PLCB1: variants seen among roughly 807,000 people sequenced by gnomAD.
PLCB1 encodes phospholipase C beta 1.
A neutral mutation model predicts 161.8 loss-of-function variants in PLCB1; 46 were observed. The ratio of observed to expected loss-of-function variants is 0.28; its 90% CI spans 0.22 to 0.36. PLCB1 has a LOEUF of 0.36. Ranked by LOEUF, PLCB1 falls within the 10% of genes least tolerant of loss-of-function variation. The pLI is 1.00. For missense variants in PLCB1, 1,016 were observed against 1,472.5 expected (o/e 0.69, Z 5.07); for synonymous variants, 517 against 503.7 (o/e 1.03, Z -0.35).
intron 13 of PLCB1, 52 bp from the exon 14 acceptor site, chr20:8,717,619 A>G: frequency 7.0e-7 from 1 of 1,426,766 alleles, no homozygotes; most frequent in Non-Finnish European, 9.6e-7. Flanking sequence ...TGGGGAGGGG[A>G]TCTGAAAGAG....
At chr20:8,881,358 T>TGTGTGTGTGTGCGC (rs369188885) in intron 31 of PLCB1, among the ~76,000 whole-genome samples, 19 of 150,618 alleles carry the variant, frequency 1.3e-4, no homozygotes, top group South Asian at 2.1e-4. Flanking sequence ...TGTGTGTGTG[T>TGTGTGTGTGTGCGC]GCATTTGTAG....
Position 8,132,288 on chromosome 20 carries a change from T to G in PLCB1, c.-364T>G. 5.9e-6 allele frequency: 1 copy of G among 169,128 alleles called. No homozygotes were observed. Among genetic ancestry groups the G allele is most frequent in the Non-Finnish European group, 1.3e-5 (1 of 79,470 alleles). The allele number at this position is 169,128 out of a possible 1,614,324, so 10.5% of individuals were successfully genotyped here. A position where few individuals can be genotyped will look rare whatever the true frequency, so the allele number is the denominator to read the frequency against. ...GTCACTCGCTCTCTCCCTCTGTGTA[T>G]AGAGGATGTGCTGAATGGTGCGCTT... On this transcript the variant is annotated 5_prime_UTR_variant, in exon 1 of 32. Transcript: ENST00000338037. The surrounding 1 kb of genome is among the most constrained non-coding windows in gnomAD (Gnocchi z 5.2).
intron 31 of PLCB1, 130 bp downstream of exon 31, chr20:8,790,391 A>T (rs1983696599): frequency 1.6e-6 from 1 of 618,806 alleles, no homozygotes; most frequent in Non-Finnish European, 2.8e-6. Flanking sequence ...AAACTCATGT[A>T]TCTTTCTCAA....
chr20:8,486,898 T>C (rs1982754308), intron 3 of PLCB1, among the ~76,000 whole-genome samples: 1 of 152,230 alleles, frequency 6.6e-6, no homozygotes. Context: ...CTAAACACTT[T>C]TGTGTTTCTG....
At chr20:8,852,201 A>T (rs1986912777) in intron 31 of PLCB1, among the ~76,000 whole-genome samples, 1 of 152,168 alleles carries the variant, frequency 6.6e-6, no homozygotes, top group Non-Finnish European at 1.5e-5. Context: ...TCTAAATTGT[A>T]CCTACTGACA....
chr20:8,714,869 A>G (rs1305766287), intron 12 of PLCB1, among the ~76,000 whole-genome samples: 1 of 152,180 alleles, frequency 6.6e-6, no homozygotes, highest in East Asian at 1.9e-4. Context: ...GAAAAAAATG[A>G]ATACAAAATA....
At chr20:8,616,368 T>G (rs1194635907) in intron 3 of PLCB1, among the ~76,000 whole-genome samples, 1 of 152,190 alleles carries the variant, frequency 6.6e-6, no homozygotes, top group African/African-American at 2.4e-5. Flanking sequence ...CTGAAGTGCT[T>G]CTTACTAAAC....
Position 8,576,837 on chromosome 20 carries a change from A to G in PLCB1, c.247-51457A>G, listed in dbSNP as rs151065610. ...TTTTTAAGTTGTAGCCATCAATTTAATGATTAACTACACAATAATTCATAC... is the reference window on the plus strand; with the variant it reads ...TTTTTAAGTTGTAGCCATCAATTTAGTGATTAACTACACAATAATTCATAC... On this transcript the variant is annotated intron_variant, in intron 3 of 31. Coordinates refer to ENST00000338037, the MANE Select transcript of PLCB1 (RefSeq NM_015192.4). 2.1e-3 allele frequency among the ~76,000 whole-genome samples: 323 copies of G among 152,360 alleles called. 1 individual carries two copies. The highest frequency in any genetic ancestry group is 0.02 in the Middle Eastern group (6 of 294).
At chr20:8,506,923 G>T (rs1168219871) in intron 3 of PLCB1, among the ~76,000 whole-genome samples, 1 of 152,110 alleles carries the variant, frequency 6.6e-6, no homozygotes, top group Admixed American at 6.6e-5. Context: ...AAATAGAGGT[G>T]AGGAGAGCTG....
At chr20:8,283,577 A>C (rs1317560204) in intron 2 of PLCB1, among the ~76,000 whole-genome samples, 1 of 151,576 alleles carries the variant, frequency 6.6e-6, no homozygotes, top group African/African-American at 2.4e-5. Flanking sequence ...CAATCAATAA[A>C]TAAAATAAAA....
At chr20:8,407,008 T>G (rs1978814344) in intron 3 of PLCB1, among the ~76,000 whole-genome samples, 2 of 152,158 alleles carry the variant, frequency 1.3e-5, no homozygotes. Context: ...AAGAAGATTG[T>G]TTTAACTTTC....
intron 31 of PLCB1, among the ~76,000 whole-genome samples, chr20:8,804,297 C>T (rs1262234191): frequency 6.6e-6 from 1 of 152,142 alleles, no homozygotes; most frequent in Non-Finnish European, 1.5e-5. Flanking sequence ...GTGTTCACAA[C>T]TTGTATTCCC....
At chr20:8,448,210 A>C (rs1344748433) in intron 3 of PLCB1, among the ~76,000 whole-genome samples, 1 of 152,220 alleles carries the variant, frequency 6.6e-6, no homozygotes, top group Admixed American at 6.5e-5. Flanking sequence ...AAATGTGTTG[A>C]GCAGGAAAAG....
chr20:8,335,518 T>A (rs1435141562), intron 2 of PLCB1, among the ~76,000 whole-genome samples: 1 of 152,226 alleles, frequency 6.6e-6, no homozygotes, highest in Admixed American at 6.5e-5. Flanking sequence ...TTTAGGAACT[T>A]GATTCATGTT....
chr20:8,352,072 A>C (rs1025661386), intron 2 of PLCB1, among the ~76,000 whole-genome samples: 1 of 152,118 alleles, frequency 6.6e-6, no homozygotes, highest in African/African-American at 2.4e-5. Context: ...TTAATAACCC[A>C]AAACTGGAAG....
intron 26 of PLCB1, among the ~76,000 whole-genome samples, chr20:8,767,056 C>T (rs1982355611): frequency 6.6e-6 from 1 of 152,152 alleles, no homozygotes; most frequent in South Asian, 2.1e-4. Flanking sequence ...TATGTCTCTG[C>T]AATTCCCAGG....
intron 3 of PLCB1, among the ~76,000 whole-genome samples, chr20:8,374,467 T>C (rs1987008825): frequency 6.6e-6 from 1 of 152,142 alleles, no homozygotes; most frequent in South Asian, 2.1e-4. Context: ...CATCTTCAGG[T>C]TCCCCTTGGA....
At chr20:8,173,490 C>G (rs6055591) in intron 2 of PLCB1, among the ~76,000 whole-genome samples, 29 of 152,174 alleles carry the variant, frequency 1.9e-4, no homozygotes, top group African/African-American at 6.3e-4. Flanking sequence ...AAAAGTAGAC[C>G]AGAACTCATG....
intron 3 of PLCB1, among the ~76,000 whole-genome samples, chr20:8,488,807 A>G (rs982124682): frequency 6.6e-6 from 1 of 152,252 alleles, no homozygotes; most frequent in African/African-American, 2.4e-5. Flanking sequence ...GCTATTAAAC[A>G]TAGTAAGACT....
Sources: gnomAD v4.1 joint callset for allele counts (sites outside exome capture counted in the v4.1 genomes callset) on GRCh38, gnomAD v4.1.1 for gene constraint, Gnocchi (gnomAD v3.1) non-coding constraint, MANE v1.5 for transcripts, NCBI Gene and HGNC (gene_info 2026-07-23, HGNC 2026-07-21) for gene names.